GATAD2A: variants seen among roughly 807,000 people sequenced by gnomAD.
GATAD2A encodes the protein transcriptional repressor p66-alpha.
In GATAD2A, 12 loss-of-function variants were observed where a neutral mutation model predicts 68.5. That is an observed-to-expected ratio of 0.18 (90% CI 0.11 to 0.28). The LOEUF is 0.28. Among genes scored for constraint, GATAD2A ranks in the 10% least tolerant of loss-of-function variants. The pLI is 1.00. For missense variants in GATAD2A, 755 were observed against 868.5 expected (o/e 0.87, Z 1.64); for synonymous variants, 410 against 375.3 (o/e 1.09, Z -1.07).
chr19:19,427,749 C>G (rs1014976774), intron 1 of GATAD2A: 6 of 152,956 alleles, frequency 3.9e-5, no homozygotes, highest in African/African-American at 1.4e-4. Flanking sequence ...TCTTGGCTCA[C>G]TGCAGCCTCC....
intron 2 of GATAD2A, among the ~76,000 whole-genome samples, chr19:19,477,407 A>G (rs1334511158): frequency 6.6e-6 from 1 of 152,180 alleles, no homozygotes; most frequent in Non-Finnish European, 1.5e-5. Flanking sequence ...GAATTCCTCA[A>G]GGCAGGGCCC....
intron 1 of GATAD2A, among the ~76,000 whole-genome samples, chr19:19,443,393 T>G (rs1298649199): frequency 6.6e-6 from 1 of 152,164 alleles, no homozygotes; most frequent in Non-Finnish European, 1.5e-5. Flanking sequence ...GCATCCTAAC[T>G]CTTTGAGCAT....
intron 1 of GATAD2A, among the ~76,000 whole-genome samples, chr19:19,393,180 GTAA>G (rs2048975248): frequency 6.6e-6 from 1 of 152,182 alleles, no homozygotes; most frequent in African/African-American, 2.4e-5. Flanking sequence ...GCACATGCCT[GTAA>G]TCCCAGCTAC....
chr19:19,470,303 T>G (rs916392340), intron 2 of GATAD2A, among the ~76,000 whole-genome samples: 2 of 151,888 alleles, frequency 1.3e-5, no homozygotes, highest in African/African-American at 4.8e-5. Context: ...CCCAGCTAAT[T>G]TTTTGTATTT....
intron 1 of GATAD2A, chr19:19,456,997 A>T: frequency 7.1e-6 from 4 of 566,758 alleles, no homozygotes; most frequent in African/African-American, 2.0e-5. Flanking sequence ...TGCTTCTATT[A>T]ATTACAAAGG....
chr19:19,438,123 G>C (rs1372988820), intron 1 of GATAD2A, among the ~76,000 whole-genome samples: 1 of 152,208 alleles, frequency 6.6e-6, no homozygotes, highest in Non-Finnish European at 1.5e-5. Context: ...GTTGAGACTT[G>C]TCAGAGCCTA....
At chr19:19,428,813 T>C (rs2053388710) in intron 1 of GATAD2A, among the ~76,000 whole-genome samples, 1 of 152,082 alleles carries the variant, frequency 6.6e-6, no homozygotes, top group African/African-American at 2.4e-5. Flanking sequence ...AGTGGTGGCC[T>C]GAGGGAAGCC....
chr19:19,465,761 C>T (rs900813707), intron 2 of GATAD2A, 147 bp downstream of exon 2: 1 of 956,482 alleles, frequency 1.0e-6, no homozygotes, highest in South Asian at 1.7e-5. Context: ...CATCACCCAC[C>T]ACTGGCAGCT....
At chr19:19,421,165 G>A (rs1948669034) in intron 1 of GATAD2A, among the ~76,000 whole-genome samples, 1 of 152,196 alleles carries the variant, frequency 6.6e-6, no homozygotes, top group African/African-American at 2.4e-5. Context: ...GACAAGCAGG[G>A]CCTGGCTTGG....
chr19:19,501,173 G>C lies in GATAD2A; in HGVS notation c.1260G>C (p.Gln420His). The C allele has an allele frequency of 5.0e-6, 8 of 1,613,544 alleles. No homozygotes were observed. The highest frequency in any genetic ancestry group is 5.9e-6 in the Non-Finnish European group (7 of 1,180,004). Residue 420 changes from glutamine to histidine, a missense_variant, in exon 9 of 12, where the codon CAG (glutamine) becomes CAC (histidine). By Grantham distance (24) the Gln-to-His change is conservative (BLOSUM62 0). Coordinates refer to ENST00000683918, the MANE Select transcript of GATAD2A (RefSeq NM_001384528.1). ...VLSREPYMCAQCKTDFTCRWR... is the reference protein window; with the variant it reads ...VLSREPYMCAHCKTDFTCRWR... Reference sequence around the variant, plus strand: ...CCCGGGAGCCCTACATGTGTGCACAGTGCAAGACGGACTTCACGTGCCGCT... The same window carrying C: ...CCCGGGAGCCCTACATGTGTGCACACTGCAAGACGGACTTCACGTGCCGCT...
chr19:19,428,027 A>G (rs2053298400), intron 1 of GATAD2A: 1 of 152,094 alleles, frequency 6.6e-6, no homozygotes, highest in Non-Finnish European at 1.5e-5. Flanking sequence ...TTTGTCAGTG[A>G]GTTTCCTTTA....
intron 8 of GATAD2A, among the ~76,000 whole-genome samples, 196 bp downstream of exon 8, chr19:19,498,918 C>T (rs962066625): frequency 6.6e-6 from 1 of 152,246 alleles, no homozygotes; most frequent in Non-Finnish European, 1.5e-5. Context: ...CTCTGAGAGC[C>T]AGGCCCCGAG....
intron 1 of GATAD2A, among the ~76,000 whole-genome samples, chr19:19,443,560 A>G (rs1200653514): frequency 1.3e-5 from 2 of 152,146 alleles, no homozygotes; most frequent in African/African-American, 2.4e-5. Context: ...TGCATGTTTC[A>G]TAGGATTTGC....
At chr19:19,405,592 C>A (rs1299299912), upstream of GATAD2A, among the ~76,000 whole-genome samples, 2 of 152,008 alleles carry the variant, frequency 1.3e-5, no homozygotes, top group Admixed American at 6.5e-5. Context: ...GCCCCGCCCC[C>A]TCAACTCAGG....
At chr19:19,401,960 CT>C (rs1467778403), upstream of GATAD2A, 1 of 152,142 alleles carries the variant, frequency 6.6e-6, no homozygotes, top group African/African-American at 2.4e-5. Context: ...GACCATTAGT[CT>C]ATTTTTGCTG....
At chr19:19,470,150 TTTTTG>T (rs1212953232) in intron 2 of GATAD2A, among the ~76,000 whole-genome samples, 144 of 136,926 alleles carry the variant, frequency 1.1e-3, no homozygotes, top group Non-Finnish European at 1.8e-3. Flanking sequence ...TTTATTTTTT[TTTTTG>T]TTTTTTTTTT....
chr19:19,498,346 T>C, intron 7 of GATAD2A, 97 bp from the exon 8 acceptor site: 1 of 1,080,090 alleles, frequency 9.3e-7, no homozygotes. Context: ...AGGGTACTGG[T>C]TAGTGCAGTT....
At position 19,507,381 on chromosome 19, in the gene GATAD2A, A is replaced by G. The variant is rs2060910211; in HGVS notation, c.*1907A>G. 1 of 152,170 alleles carries G rather than the reference A, an allele frequency of 6.6e-6. No homozygotes were observed. The highest frequency in any genetic ancestry group is 2.4e-5 in the African/African-American group (1 of 41,418). The allele number at this position is 152,170 out of a possible 1,614,324, so 9.4% of individuals were successfully genotyped here. A position where few individuals can be genotyped will look rare whatever the true frequency, so the allele number is the denominator to read the frequency against. ...CCCTCTCTGTTCCATGACAGGGGCC[A>G]GATCTTCCAGCTCCTCCCAGAAGGA... On this transcript the variant is annotated 3_prime_UTR_variant, in exon 12 of 12. Coordinates refer to ENST00000683918, the MANE Select transcript of GATAD2A (RefSeq NM_001384528.1).
At chr19:19,412,242 G>A (rs193058519) in intron 1 of GATAD2A, among the ~76,000 whole-genome samples, 5 of 151,380 alleles carry the variant, frequency 3.3e-5, no homozygotes, top group African/African-American at 4.9e-5. Flanking sequence ...TGCAAGCTCC[G>A]CCTCCGGGGT....
Sources: gnomAD v4.1 joint callset for allele counts (sites outside exome capture counted in the v4.1 genomes callset) on GRCh38, gnomAD v4.1.1 for gene constraint, MANE v1.5 for transcripts, NCBI Gene and HGNC (gene_info 2026-07-23, HGNC 2026-07-21) for gene names.